The following SGCD variants were observed in gnomAD, a reference collection of about 807,000 sequenced individuals.
SGCD encodes the protein delta-sarcoglycan.
In SGCD, 18 loss-of-function variants were observed where a neutral mutation model predicts 36.6. The observed-to-expected ratio is 0.49, with a 90% CI of 0.34 to 0.73. The LOEUF (loss-of-function observed/expected upper bound fraction) is 0.73, where lower values mean the gene tolerates loss of function less well. SGCD is among the 30% of genes least tolerant of loss of function. SGCD has a pLI of 0.01. For missense variants in SGCD, 387 were observed against 346.7 expected (o/e 1.12, Z -0.92); for synonymous variants, 133 against 130.6 (o/e 1.02, Z -0.12).
intron 1 of SGCD, among the ~76,000 whole-genome samples, chr5:156,011,406 G>A (rs1380892714): frequency 1.3e-5 from 2 of 151,748 alleles, no homozygotes; most frequent in Non-Finnish European, 2.9e-5. Flanking sequence ...TCTAGACTTG[G>A]TATTTGATAT....
upstream of SGCD, chr5:156,326,726 A>G (rs1245514806): frequency 6.6e-6 from 1 of 152,612 alleles, no homozygotes; most frequent in Admixed American, 6.5e-5. Context: ...GTAAGGAGCA[A>G]GTGAAAAAGG....
At chr5:156,674,554 C>T (rs989384477) in intron 7 of SGCD, among the ~76,000 whole-genome samples, 2 of 152,052 alleles carry the variant, frequency 1.3e-5, no homozygotes, top group Non-Finnish European at 2.9e-5. Flanking sequence ...CTGAGAGACT[C>T]AAGGCAAGGG....
chr5:156,318,593 CT>C (rs199528833), intron 3 of SGCD, among the ~76,000 whole-genome samples: 21,550 of 138,690 alleles, frequency 0.16, 1,795 homozygotes, highest in African/African-American at 0.31. Context: ...TGAATGACCT[CT>C]TTTTTTTTTT....
At chr5:156,423,275 TTA>T in intron 3 of SGCD, among the ~76,000 whole-genome samples, 1 of 5,932 alleles carries the variant, frequency 1.7e-4, no homozygotes, top group South Asian at 6.0e-3. Context: ...TAATATAACA[TTA>T]TATTATATTT....
intron 2 of SGCD, among the ~76,000 whole-genome samples, chr5:156,330,581 A>G (rs1296172851): frequency 1.3e-5 from 2 of 152,096 alleles, no homozygotes; most frequent in Admixed American, 1.3e-4. Context: ...CCATTTCTCC[A>G]TCTTTTCCTG....
At chr5:156,195,163 C>T (rs1166458382) in intron 3 of SGCD, among the ~76,000 whole-genome samples, 1 of 152,106 alleles carries the variant, frequency 6.6e-6, no homozygotes, top group Admixed American at 6.6e-5. Flanking sequence ...TGATTAATAT[C>T]TGGTTTGATC....
intron 3 of SGCD, among the ~76,000 whole-genome samples, chr5:156,184,483 C>T (rs529372114): frequency 6.6e-6 from 1 of 151,934 alleles, no homozygotes; most frequent in African/African-American, 2.4e-5. Context: ...GATGCTACCC[C>T]AATCTGTGCC....
chr5:156,673,799 T>C (rs150806939), intron 7 of SGCD, among the ~76,000 whole-genome samples: 268 of 152,340 alleles, frequency 1.8e-3, no homozygotes, highest in African/African-American at 5.9e-3. Flanking sequence ...ACAATGCTTG[T>C]CCCTTCCTTA....
chr5:155,897,244 C>T (rs1451893717), intron 1 of SGCD, among the ~76,000 whole-genome samples: 1 of 152,050 alleles, frequency 6.6e-6, no homozygotes, highest in Non-Finnish European at 1.5e-5. Flanking sequence ...AACTATAATA[C>T]AATGGGAAGT....
In SGCD at chr5:156,331,220, GT is replaced by G. The variant is rs1426935249; in HGVS notation, c.3+1644del. On this transcript the variant is annotated intron_variant, in intron 2 of 8. Transcript: ENST00000337851. ...CTCTAGAAATTCCACATTTCCCTTT[GT>G]TTCACTTTTCTTGCCACACAGAAAG... is the stretch of plus-strand genomic sequence containing the variant. 3.3e-5 allele frequency among the ~76,000 whole-genome samples: 5 copies of G among 152,208 alleles called. No homozygotes were observed. In the East Asian group the frequency reaches 9.6e-4, roughly 29 times the overall value.
intron 4 of SGCD, among the ~76,000 whole-genome samples, chr5:156,544,597 G>GT (rs1231000388): frequency 1.3e-5 from 2 of 150,692 alleles, no homozygotes; most frequent in East Asian, 2.0e-4. Context: ...GGAAGGTAGG[G>GT]TTTTTTTAGA....
At chr5:155,870,688 T>C (rs1382196742) in intron 1 of SGCD, among the ~76,000 whole-genome samples, 1 of 152,196 alleles carries the variant, frequency 6.6e-6, no homozygotes, top group Non-Finnish European at 1.5e-5. Context: ...TAGACTCCTC[T>C]TCTACCTGCC....
chr5:156,599,676 T>A lies in SGCD; in HGVS notation c.502+4625T>A, dbSNP rs529104888. Among the ~76,000 whole-genome samples, 14 of 152,320 alleles carry A rather than the reference T, an allele frequency of 9.2e-5. No homozygotes were observed. The South Asian group carries it at 2.7e-3, about 29-fold the overall frequency. On this transcript the variant is annotated intron_variant, in intron 6 of 8. Transcript: ENST00000337851. ...ACTAGAAGCTCAATTATTTGGAAAC[T>A]TTTATTCTGGAAAAGATATAGGAGG...
At chr5:156,255,702 T>G (rs1246687003) in intron 3 of SGCD, among the ~76,000 whole-genome samples, 1 of 152,194 alleles carries the variant, frequency 6.6e-6, no homozygotes, top group East Asian at 1.9e-4. Context: ...TGTATGTTGT[T>G]GTATCTTGTT....
intron 8 of SGCD, among the ~76,000 whole-genome samples, chr5:156,758,580 T>C (rs1494542): frequency 0.083 from 12,652 of 152,160 alleles, 874 homozygotes; most frequent in African/African-American, 0.19. Context: ...TTCAAGCAGC[T>C]ACAAACTGCA....
intron 3 of SGCD, among the ~76,000 whole-genome samples, chr5:156,298,725 G>A (rs1005383094): frequency 5.9e-5 from 9 of 151,488 alleles, no homozygotes; most frequent in South Asian, 2.1e-4. Context: ...GCTACCACAC[G>A]TGGCCCATTT....
chr5:156,653,209 G>T (rs1229641198), intron 7 of SGCD, among the ~76,000 whole-genome samples: 2 of 152,046 alleles, frequency 1.3e-5, no homozygotes, highest in African/African-American at 4.8e-5. Context: ...ATTTGGCTGT[G>T]AATCCATCTG....
chr5:156,072,463 C>T (rs1456858456), intron 1 of SGCD, among the ~76,000 whole-genome samples: 2 of 152,012 alleles, frequency 1.3e-5, no homozygotes, highest in East Asian at 3.8e-4. Context: ...TTGGCCCCCA[C>T]TCTCTTCTGG....
chr5:155,730,296 T>G, the SGCD span, among the ~76,000 whole-genome samples: 1 of 152,158 alleles, frequency 6.6e-6, no homozygotes. Flanking sequence ...CTTCCAAAAT[T>G]GCCCAGTAAC....
Sources: gnomAD v4.1 joint callset for allele counts (sites outside exome capture counted in the v4.1 genomes callset) on GRCh38, gnomAD v4.1.1 for gene constraint, MANE v1.5 for transcripts, NCBI Gene and HGNC (gene_info 2026-07-23, HGNC 2026-07-21) for gene names.